The following G2E3 variants were observed in gnomAD, a reference collection of about 807,000 sequenced individuals.
G2E3 encodes G2/M-phase specific E3 ubiquitin protein ligase, also known as G2/M phase-specific E3 ubiquitin-protein ligase.
G2E3 carries 35 observed loss-of-function variants against 92.8 expected under a neutral mutation model. That is an observed-to-expected ratio of 0.38 (90% CI 0.29 to 0.50). The LOEUF (loss-of-function observed/expected upper bound fraction) is 0.50. Ranked by LOEUF, G2E3 falls within the 20% of genes least tolerant of loss-of-function variation. G2E3 has a pLI of 0.94. For missense variants in G2E3, 554 were observed against 823.8 expected, an observed-to-expected ratio of 0.67 and a Z score of 4.01; for synonymous variants, 242 against 272.4, an observed-to-expected ratio of 0.89 and a Z score of 1.10.
chr14:30,599,810 A>G (rs1483885664), intron 8 of G2E3, among the ~76,000 whole-genome samples: 1 of 152,202 alleles, frequency 6.6e-6, no homozygotes, highest in East Asian at 1.9e-4. Context: ...AAAATTTTAA[A>G]TTACATATAT....
chr14:30,609,248 T>C (rs893900664), intron 12 of G2E3, among the ~76,000 whole-genome samples: 2 of 152,212 alleles, frequency 1.3e-5, no homozygotes, highest in African/African-American at 2.4e-5. Flanking sequence ...AAAAAAAAAG[T>C]ATATTTAAGC....
At chr14:30,601,534 A>G (rs1881566517) in intron 8 of G2E3, among the ~76,000 whole-genome samples, 1 of 152,208 alleles carries the variant, frequency 6.6e-6, no homozygotes, top group Non-Finnish European at 1.5e-5. Flanking sequence ...GTATGTGCAT[A>G]TACATACAAA....
intron 3 of G2E3, among the ~76,000 whole-genome samples, chr14:30,587,205 T>C (rs1301828353): frequency 6.6e-6 from 1 of 152,198 alleles, no homozygotes; most frequent in African/African-American, 2.4e-5. Flanking sequence ...AGTATTTTAT[T>C]TCACACAGAA....
chr14:30,585,296 T>C (rs1490417982), intron 2 of G2E3, among the ~76,000 whole-genome samples: 1 of 152,200 alleles, frequency 6.6e-6, no homozygotes, highest in African/African-American at 2.4e-5. Context: ...AAGAATTTTA[T>C]TGTTAGATCC....
Position 30,586,950 on chromosome 14 carries a change from A to T in G2E3, c.135+135A>T, listed in dbSNP as rs143136553. The T allele has an allele frequency of 3.2e-4, 130 of 400,634 alleles. No homozygotes were observed. The East Asian group carries it at 4.8e-3, about 15-fold the overall frequency. The allele number at this position is 400,634 out of a possible 1,614,324, so 24.8% of individuals were successfully genotyped here. On this transcript the variant is annotated intron_variant, in intron 3 of 14. Transcript: ENST00000206595. ...TCATTTTGTCTATCTCTAAAAATAG[A>T]CATTTTGTTTTTTGATATTGAATTC...
chr14:30,585,295 A>G (rs1880647434), intron 2 of G2E3, among the ~76,000 whole-genome samples: 1 of 152,108 alleles, frequency 6.6e-6, no homozygotes, highest in African/African-American at 2.4e-5. Context: ...TAAGAATTTT[A>G]TTGTTAGATC....
At chr14:30,567,627 AT>A (rs939318288) in intron 1 of G2E3, among the ~76,000 whole-genome samples, 1 of 151,790 alleles carries the variant, frequency 6.6e-6, no homozygotes, top group African/African-American at 2.4e-5. Context: ...CAATTTAAAA[AT>A]TTTTTTATTA....
intron 12 of G2E3, among the ~76,000 whole-genome samples, chr14:30,609,136 A>G (rs1326028007): frequency 6.6e-6 from 1 of 152,242 alleles, no homozygotes; most frequent in African/African-American, 2.4e-5. Context: ...GCTACAGTGT[A>G]TTACAACAAT....
chr14:30,591,200 T>G (rs1192453451), intron 4 of G2E3, among the ~76,000 whole-genome samples: 1 of 151,902 alleles, frequency 6.6e-6, no homozygotes, highest in African/African-American at 2.4e-5. Context: ...ATTGGGAGAG[T>G]TTCGGGTTGG....
intron 11 of G2E3, among the ~76,000 whole-genome samples, chr14:30,606,678 G>C (rs1295456091): frequency 6.6e-6 from 1 of 151,976 alleles, no homozygotes; most frequent in East Asian, 1.9e-4. Context: ...TACTCTCTCT[G>C]GATCTCAGTT....
At chr14:30,586,074 T>A (rs1880698848) in intron 2 of G2E3, among the ~76,000 whole-genome samples, 1 of 152,236 alleles carries the variant, frequency 6.6e-6, no homozygotes, top group South Asian at 2.1e-4. Context: ...TATATTTGTT[T>A]CAAATGTTTT....
chr14:30,579,926 G>A (rs1025840808), intron 1 of G2E3, among the ~76,000 whole-genome samples: 1 of 152,114 alleles, frequency 6.6e-6, no homozygotes, highest in Admixed American at 6.5e-5. Context: ...TATACCCTTG[G>A]TGAAGTGAAA....
chr14:30,613,385 C>T (rs1010909881), intron 13 of G2E3, among the ~76,000 whole-genome samples: 5 of 152,124 alleles, frequency 3.3e-5, no homozygotes, highest in African/African-American at 7.2e-5. Context: ...TTTATAGTTA[C>T]TATTACTACT....
At chr14:30,563,257 C>T (rs918763923) in intron 1 of G2E3, among the ~76,000 whole-genome samples, 3 of 151,618 alleles carry the variant, frequency 2.0e-5, no homozygotes, top group Admixed American at 1.3e-4. Context: ...TTTCTTTTTC[C>T]GTTTGATCAC....
intron 1 of G2E3, among the ~76,000 whole-genome samples, chr14:30,570,774 G>A (rs1379385011): frequency 5.3e-5 from 8 of 152,020 alleles, no homozygotes; most frequent in African/African-American, 1.9e-4. Context: ...GTGTTTCTAG[G>A]GAGGTACAGG....
intron 1 of G2E3, among the ~76,000 whole-genome samples, chr14:30,561,179 TTC>T (rs1008300661): frequency 2.0e-5 from 3 of 152,218 alleles, no homozygotes; most frequent in African/African-American, 7.2e-5. Flanking sequence ...ATCACATACA[TTC>T]TCTCATTAAT....
chr14:30,567,130 A>T (rs1391935888), intron 1 of G2E3, among the ~76,000 whole-genome samples: 3 of 152,092 alleles, frequency 2.0e-5, no homozygotes, highest in Non-Finnish European at 2.9e-5. Context: ...ATTGGCTTGT[A>T]GTTTTATTTT....
intron 3 of G2E3, among the ~76,000 whole-genome samples, chr14:30,587,564 G>T (rs532964371): frequency 5.4e-4 from 83 of 152,294 alleles, no homozygotes; most frequent in African/African-American, 2.0e-3. Flanking sequence ...GGATAGTTCA[G>T]GCTCAGAGTC....
intron 3 of G2E3, among the ~76,000 whole-genome samples, chr14:30,588,245 T>A (rs1880821142): frequency 6.9e-6 from 1 of 145,092 alleles, no homozygotes; most frequent in Admixed American, 6.7e-5. Flanking sequence ...TACTTTTCTA[T>A]AAAGTAAAAG....
Sources: allele counts gnomAD v4.1 joint callset (sites outside exome capture counted in the v4.1 genomes callset), GRCh38; gene constraint gnomAD v4.1.1; transcripts MANE v1.5; gene names NCBI Gene and HGNC (gene_info 2026-07-23, HGNC 2026-07-21).